Variants in MFSD1 observed in about 807,000 individuals in gnomAD.
MFSD1 encodes lysosomal dipeptide transporter MFSD1.
MFSD1 carries 59 observed loss-of-function variants against 67.1 expected under a neutral mutation model. The observed-to-expected ratio is 0.88, with a 90% CI of 0.71 to 1.09. MFSD1 has a LOEUF of 1.09. Ranked by LOEUF, MFSD1 falls within the 50% of genes least tolerant of loss-of-function variation. The probability of loss-of-function intolerance (pLI) is 0.00; values close to 1 mark genes in which losing one functional copy is unlikely to be tolerated. For missense variants in MFSD1, 552 were observed against 566.1 expected (o/e 0.97, Z 0.25); for synonymous variants, 213 against 200.3 (o/e 1.06, Z -0.54).
chr3:158,827,203 C>T, intron 14 of MFSD1, 77 bp from the exon 15 acceptor site: 1 of 826,502 alleles, frequency 1.2e-6, no homozygotes, highest in Non-Finnish European at 1.9e-6. Flanking sequence ...CAAATGGTTG[C>T]ATGTATGTAT....
chr3:158,818,894 G>T (rs1410323471), intron 7 of MFSD1, among the ~76,000 whole-genome samples: 1 of 152,188 alleles, frequency 6.6e-6, no homozygotes, highest in Admixed American at 6.5e-5. Context: ...TAAAACTGGG[G>T]AAATTGAATC....
At chr3:158,809,153 G>T (rs202144585) in intron 5 of MFSD1, 26 bp from the exon 6 acceptor site, 131 of 1,205,416 alleles carry the variant, frequency 1.1e-4, no homozygotes, top group Admixed American at 3.9e-4. Flanking sequence ...GTGACTTCTG[G>T]TTTTTTTTTT....
rs373835084 is a variant in MFSD1 at position 158,826,014 on chromosome 3, G to A, written c.1289-1G>A. On this transcript the variant is annotated splice_acceptor_variant, in intron 13 of 15. Transcript: ENST00000415822. LOFTEE classifies it high-confidence loss of function. ...AGGGCCCTATGTTTTTTCACTCCTA[G>A]TGTCACTTTTATCTGTGGTCTTACT... 3.3e-5 allele frequency: 54 copies of A among 1,612,188 alleles called. No homozygotes were observed. Among genetic ancestry groups the A allele is most frequent in the Non-Finnish European group, 4.2e-5 (50 of 1,178,586 alleles).
chr3:158,805,541 G>A (rs1236159575), intron 3 of MFSD1, 67 bp downstream of exon 3: 1 of 1,157,714 alleles, frequency 8.6e-7, no homozygotes, highest in Non-Finnish European at 1.3e-6. Flanking sequence ...GCTAGATTAA[G>A]GTATTTCTAG....
rs1195740821 is a variant in MFSD1, at chr3:158,823,424, G to A, written c.1078-4G>A. On this transcript the variant is annotated splice_polypyrimidine_tract_variant and splice_region_variant and intron_variant, in intron 11 of 15. Coordinates refer to ENST00000415822, the MANE Select transcript of MFSD1 (RefSeq NM_022736.4). ...TGTGACCTTTTCTGCGTTGCTTTCT[G>A]TAGTGTCTTCTGGGACTCTCCTACT... The A allele has an allele frequency of 4.4e-6, 7 of 1,605,924 alleles. No homozygotes were observed. The highest frequency in any genetic ancestry group is 6.0e-6 in the Non-Finnish European group (7 of 1,172,594).
rs766788324 is a variant in MFSD1 at position 158,823,604 on chromosome 3, A to G, written c.1175+79A>G. 20 of 1,060,364 alleles carry G rather than the reference A, an allele frequency of 1.9e-5. No homozygotes were observed. In the East Asian group the frequency reaches 2.4e-4, roughly 13 times the overall value. The allele number at this position is 1,060,364 out of a possible 1,614,324, so 65.7% of individuals were successfully genotyped here. ...TTATCATATAAAACTCCAGATCTGA[A>G]TCTAGTCGTCATCCAGCCTCTGGGG... is the stretch of plus-strand genomic sequence containing the variant. On this transcript the variant is annotated intron_variant, in intron 12 of 15. Transcript: ENST00000415822.
At chr3:158,814,868 A>C (rs1005787915) in intron 7 of MFSD1, among the ~76,000 whole-genome samples, 20 of 152,046 alleles carry the variant, frequency 1.3e-4, no homozygotes, top group Admixed American at 1.3e-3. Flanking sequence ...GGATCACCTG[A>C]GGTCGGGAGT....
intron 3 of MFSD1, among the ~76,000 whole-genome samples, chr3:158,806,108 A>G (rs1274018380): frequency 3.9e-5 from 6 of 152,368 alleles, no homozygotes; most frequent in Non-Finnish European, 8.8e-5. Context: ...TTCAGAAGGC[A>G]AAGACCAAGA....
At chr3:158,809,147 C>A in intron 5 of MFSD1, 32 bp from the exon 6 acceptor site, 1 of 1,406,518 alleles carries the variant, frequency 7.1e-7, no homozygotes, top group Non-Finnish European at 9.7e-7. Flanking sequence ...AAAGTTGTGA[C>A]TTCTGGTTTT....
intron 3 of MFSD1, among the ~76,000 whole-genome samples, chr3:158,806,293 T>G (rs1419220508): frequency 1.3e-5 from 2 of 152,214 alleles, no homozygotes; most frequent in African/African-American, 4.8e-5. Flanking sequence ...GGGAACAGAT[T>G]CCTTTTAATA....
rs1309976335 is a variant in MFSD1 at position 158,802,209 on chromosome 3, C to G, written c.57C>G (p.Ala19=). ...RALLAGGPDE[A]DRGAPAAPGA... The stretch of plus-strand genomic sequence containing the variant: ...TCCTGGCAGGCGGCCCTGACGAGGC[C>G]GACAGAGGTGCCCCGGCCGCCCCTG... The change falls in exon 1 of 16, where the codon GCC becomes GCG. Residue 19 remains alanine (A), a synonymous_variant. Coordinates refer to ENST00000415822, the MANE Select transcript of MFSD1 (RefSeq NM_022736.4). The G allele has an allele frequency of 9.9e-6, 16 of 1,610,724 alleles. No homozygotes were observed. The highest frequency in any genetic ancestry group is 1.3e-5 in the Non-Finnish European group (15 of 1,179,012).
In MFSD1 at chr3:158,829,079, T is replaced by G; in HGVS notation, c.*97T>G. On this transcript the variant is annotated 3_prime_UTR_variant, in exon 16 of 16. Transcript: ENST00000415822. The stretch of plus-strand genomic sequence containing the variant: ...TTTAGAGTTTAGTCATTAGAAAAAA[T>G]AATGGACTGGAAAGTTATATTTATA... 1 of 1,187,544 alleles carries G rather than the reference T, an allele frequency of 8.4e-7. No individual in the cohort carries two copies. Among genetic ancestry groups the G allele is most frequent in the Non-Finnish European group, 1.2e-6 (1 of 835,912 alleles). 73.6% of individuals were successfully genotyped at this position (1,187,544 alleles called of 1,614,324 possible). A position where few individuals can be genotyped will look rare whatever the true frequency, so the allele number is the denominator to read the frequency against.
At chr3:158,807,209 T>A (rs1263418141) in intron 4 of MFSD1, 127 bp downstream of exon 4, 1 of 970,896 alleles carries the variant, frequency 1.0e-6, no homozygotes, top group Admixed American at 2.1e-5. Flanking sequence ...TAAATGCCCA[T>A]GTGATATAAT....
chr3:158,807,805 A>C (rs1028346047), intron 5 of MFSD1, among the ~76,000 whole-genome samples: 3 of 152,224 alleles, frequency 2.0e-5, no homozygotes, highest in African/African-American at 7.2e-5. Context: ...TGACTGATGG[A>C]CATTTCACTC....
intron 11 of MFSD1, 105 bp from the exon 12 acceptor site, chr3:158,823,323 A>G (rs184855930): frequency 2.6e-6 from 2 of 772,614 alleles, no homozygotes; most frequent in East Asian, 5.2e-5. Context: ...ATTTGCTTGA[A>G]TATATATATA....
chr3:158,825,210 A>T (rs1730904093), intron 13 of MFSD1: 1 of 152,144 alleles, frequency 6.6e-6, no homozygotes, highest in Non-Finnish European at 1.5e-5. Flanking sequence ...CCAGACTGGA[A>T]TGCAGTGGAG....
chr3:158,802,362 C>T, intron 1 of MFSD1, 47 bp downstream of exon 1: 1 of 1,604,866 alleles, frequency 6.2e-7, no homozygotes. Context: ...GAATTCCCGA[C>T]TTTCTCTTCG....
rs1160997797 is a variant in MFSD1 at position 158,823,521 on chromosome 3, G to A, written c.1171G>A (p.Gly391Ser). 1 of 1,602,782 alleles carries A rather than the reference G, an allele frequency of 6.2e-7. No individual in the cohort carries two copies. Among genetic ancestry groups the A allele is most frequent in the East Asian group, 2.2e-5 (1 of 44,844 alleles). The change falls in exon 12 of 16, where the codon GGC becomes AGC. Residue 391 changes from glycine (G) to serine (S), a missense_variant. By Grantham distance (56) the Gly-to-Ser change is moderately conservative. Coordinates refer to ENST00000415822, the MANE Select transcript of MFSD1 (RefSeq NM_022736.4). ...TGAACATCAGCTGGGAACTGCATAT[G>A]GCTTGTAAGTATTTACGCTGTGGAT... Reference protein sequence around the residue: ...VPEHQLGTAYGFMQSIQNLGL... With the variant: ...VPEHQLGTAYSFMQSIQNLGL...
intron 7 of MFSD1, 67 bp from the exon 8 acceptor site, chr3:158,819,582 C>T: frequency 5.6e-6 from 5 of 893,364 alleles, no homozygotes; most frequent in Non-Finnish European, 8.5e-6. Context: ...ATGTACTTCT[C>T]CTTAGGAACC....
Sources: allele counts gnomAD v4.1 joint callset (sites outside exome capture counted in the v4.1 genomes callset), GRCh38; gene constraint gnomAD v4.1.1; transcripts MANE v1.5; gene names NCBI Gene and HGNC (gene_info 2026-07-23, HGNC 2026-07-21).